Variants in SCUBE1 observed in about 807,000 individuals in gnomAD.
The protein encoded by SCUBE1 is signal peptide, CUB and EGF-like domain-containing protein 1.
SCUBE1 carries 59 observed loss-of-function variants against 124.4 expected under a neutral mutation model. That is an observed-to-expected ratio of 0.47 (90% CI 0.38 to 0.59). The LOEUF is 0.59. Among genes scored for constraint, SCUBE1 ranks in the 20% least tolerant of loss-of-function variants. The probability of loss-of-function intolerance (pLI) is 0.00; values close to 1 mark genes in which losing one functional copy is unlikely to be tolerated. For synonymous variants in SCUBE1, 545 were observed against 550.9 expected, an observed-to-expected ratio of 0.99 and a Z score of 0.15; for missense variants, 1,150 against 1,371.2, an observed-to-expected ratio of 0.84 and a Z score of 2.55.
intron 4 of SCUBE1, among the ~76,000 whole-genome samples, chr22:43,284,356 A>C (rs1428276633): frequency 6.6e-6 from 1 of 152,236 alleles, no homozygotes; most frequent in Non-Finnish European, 1.5e-5. Flanking sequence ...AATTTCTACC[A>C]CAAGATGTCT....
rs1243157391 is a variant in SCUBE1, at chr22:43,221,220, G to T, written c.1502C>A (p.Pro501His). Residue 501 changes from proline to histidine, a missense_variant, in exon 13 of 22, where the codon CCC becomes CAC. Physicochemically the swap from Pro to His is moderately conservative, Grantham distance 77 (BLOSUM62 -2). Around this residue, in one of 3 missense-constraint regions of SCUBE1, gnomAD observed 757 missense variants for 840.9 expected, o/e 0.90. Coordinates refer to ENST00000360835, the MANE Select transcript of SCUBE1 (RefSeq NM_173050.5). ...CTCCTTTGCTCGTGCCTGGCTGTGG[G>T]GCCGGAGGTGGCACTTGGCATCTCG... ...KIRDAKCHLRPHSQARAKETA... is the reference protein window; with the variant it reads ...KIRDAKCHLRHHSQARAKETA... 6.8e-6 allele frequency: 11 copies of T among 1,611,534 alleles called. No homozygotes were observed. The highest frequency in any genetic ancestry group is 9.3e-6 in the Non-Finnish European group (11 of 1,179,984).
Position 43,281,407 on chromosome 22 carries a change from T to TCC in SCUBE1, c.484+9637_484+9638dup, listed in dbSNP as rs1416298844. The stretch of plus-strand genomic sequence containing the variant: ...TCTCCTCCTCAGCTATCCTGTCACC[T>TCC]CCCTCAGCCATCCTCCTGTCACCTC... On this transcript the variant is annotated intron_variant, in intron 4 of 21. Transcript: ENST00000360835. Among the ~76,000 whole-genome samples, 3 of 69,372 alleles carry TCC rather than the reference T, an allele frequency of 4.3e-5. 1 individual carries two copies. Among genetic ancestry groups the TCC allele is most frequent in the African/African-American group, 2.5e-4 (2 of 8,154 alleles). The allele number at this position is 69,372 out of a possible 152,430, so 45.5% of individuals were successfully genotyped here.
intron 2 of SCUBE1, among the ~76,000 whole-genome samples, chr22:43,325,514 G>C (rs1246795911): frequency 6.6e-6 from 1 of 150,668 alleles, no homozygotes; most frequent in Non-Finnish European, 1.5e-5. Flanking sequence ...GTGGGGAAGA[G>C]ATTTCATGGG....
In SCUBE1 at chr22:43,337,756, G is replaced by A. The variant is rs572088220; in HGVS notation, c.220+1348C>T. ...TAAACACCACCAGCATCCCAGGGAG[G>A]AGTGGCTGCATCGCCCACAAAACTC... On this transcript the variant is annotated intron_variant, in intron 2 of 21. Transcript: ENST00000360835. 1.3e-3 allele frequency among the ~76,000 whole-genome samples: 197 copies of A among 152,328 alleles called. 1 individual carries two copies. Among genetic ancestry groups the A allele is most frequent in the Middle Eastern group, 6.8e-3 (2 of 294 alleles).
intron 2 of SCUBE1, among the ~76,000 whole-genome samples, chr22:43,320,319 G>A (rs1926501569): frequency 6.6e-6 from 1 of 152,156 alleles, no homozygotes; most frequent in Non-Finnish European, 1.5e-5. Flanking sequence ...TACAATTTCT[G>A]AAAACTAGCT....
rs1298655965 is a variant in SCUBE1, at chr22:43,201,795, G to C, written c.*2202C>G. 6.6e-6 allele frequency: 1 copy of C among 152,158 alleles called. No homozygotes were observed. The highest frequency in any genetic ancestry group is 1.5e-5 in the Non-Finnish European group (1 of 68,052). 9.4% of individuals were successfully genotyped at this position (152,158 alleles called of 1,614,324 possible). A position where few individuals can be genotyped will look rare whatever the true frequency, so the allele number is the denominator to read the frequency against. On this transcript the variant is annotated 3_prime_UTR_variant, in exon 22 of 22. Transcript: ENST00000360835. Reference sequence around the variant, plus strand: ...ACACATCTACGTCTGTATCCTCTGGGTTCTGATTCTCTGGAGAACACTCGT... The same window carrying C: ...ACACATCTACGTCTGTATCCTCTGGCTTCTGATTCTCTGGAGAACACTCGT...
chr22:43,327,058 C>T (rs1318254875), intron 2 of SCUBE1, among the ~76,000 whole-genome samples: 3 of 152,122 alleles, frequency 2.0e-5, no homozygotes, highest in Non-Finnish European at 2.9e-5. Flanking sequence ...GAGCAGAGCC[C>T]GAGCATGTTC....
intron 2 of SCUBE1, among the ~76,000 whole-genome samples, chr22:43,322,145 G>A (rs113129700): frequency 4.1e-4 from 63 of 152,058 alleles, no homozygotes; most frequent in Non-Finnish European, 8.2e-4. Context: ...CACCATGCCC[G>A]GCTAATTTTT....
At chr22:43,278,194 C>T (rs1417459113) in intron 4 of SCUBE1, among the ~76,000 whole-genome samples, 2 of 152,270 alleles carry the variant, frequency 1.3e-5, no homozygotes, top group South Asian at 2.1e-4. Context: ...AGGCCTCCTC[C>T]GGTAGCACCA....
intron 10 of SCUBE1, among the ~76,000 whole-genome samples, chr22:43,223,463 C>G (rs1385560952): frequency 6.6e-6 from 1 of 152,174 alleles, no homozygotes; most frequent in Non-Finnish European, 1.5e-5. Context: ...GGTTCATGTC[C>G]CCATCCCCAG....
Position 43,218,435 on chromosome 22 carries a change from G to C in SCUBE1, c.1711C>G (p.Arg571Gly). 6.2e-7 allele frequency: 1 copy of C among 1,612,454 alleles called. No homozygotes were observed. Among genetic ancestry groups the C allele is most frequent in the Non-Finnish European group, 8.5e-7 (1 of 1,180,022 alleles). The change falls in exon 15 of 22, where the codon CGG becomes GGG. Residue 571 changes from arginine (R) to glycine (G), a missense_variant. Coordinates refer to ENST00000360835, the MANE Select transcript of SCUBE1 (RefSeq NM_173050.5). Reference sequence around the variant, plus strand: ...TGCAGGCTCTGTTCTGCTCGCTTCCGCAAGCAGTCCGCTTCGCATGTGTCT... The same window carrying C: ...TGCAGGCTCTGTTCTGCTCGCTTCCCCAAGCAGTCCGCTTCGCATGTGTCT... ...ASDTCEADCL[R>G]KRAEQSLQAA...
At chr22:43,223,000 A>C in intron 11 of SCUBE1, 97 bp downstream of exon 11, 1 of 1,450,694 alleles carries the variant, frequency 6.9e-7, no homozygotes, top group Non-Finnish European at 9.2e-7. Context: ...TTCCTAGGTC[A>C]GACTCTTTCC....
intron 4 of SCUBE1, among the ~76,000 whole-genome samples, chr22:43,281,479 T>TCCTCCTCAGCCA (rs1569010736): frequency 1.1e-5 from 1 of 89,834 alleles, no homozygotes; most frequent in African/African-American, 8.4e-5. Context: ...TCCTGTCACC[T>TCCTCCTCAGCCA]CCCTCTTTGG....
intron 6 of SCUBE1, among the ~76,000 whole-genome samples, chr22:43,244,842 C>T (rs1923142644): frequency 6.6e-6 from 1 of 152,282 alleles, no homozygotes; most frequent in African/African-American, 2.4e-5. Flanking sequence ...TCCTCCCTGC[C>T]CCTCAGTGGC....
rs1262634950 is a variant in SCUBE1 at position 43,201,252 on chromosome 22, C to T, written c.*2745G>A. 1.7e-5 allele frequency: 2 copies of T among 116,534 alleles called. No homozygotes were observed. The highest frequency in any genetic ancestry group is 1.3e-4 in the Admixed American group (1 of 7,856). The allele number at this position is 116,534 out of a possible 1,614,324, so 7.2% of individuals were successfully genotyped here. A position where few individuals can be genotyped will look rare whatever the true frequency, so the allele number is the denominator to read the frequency against. On this transcript the variant is annotated 3_prime_UTR_variant, in exon 22 of 22. Coordinates refer to ENST00000360835, the MANE Select transcript of SCUBE1 (RefSeq NM_173050.5). ...CCGGGAGGCGGAGCTTGCAGTGAAC[C>T]AAGATCGCGCCACTGCACTCCAGCC...
At chr22:43,308,250 T>G (rs1238400636) in intron 3 of SCUBE1, among the ~76,000 whole-genome samples, 1 of 152,212 alleles carries the variant, frequency 6.6e-6, no homozygotes, top group African/African-American at 2.4e-5. Context: ...GAGGCGGGCC[T>G]GGATCTGTCT....
chr22:43,341,342 C>G (rs1272268355), intron 1 of SCUBE1, among the ~76,000 whole-genome samples: 2 of 152,220 alleles, frequency 1.3e-5, no homozygotes, highest in Admixed American at 1.3e-4. Flanking sequence ...GGCACTGCCT[C>G]TAAGGCAGGG....
intron 21 of SCUBE1, 84 bp from the exon 22 acceptor site, chr22:43,204,233 G>T: frequency 1.6e-6 from 2 of 1,258,356 alleles, no homozygotes; most frequent in Non-Finnish European, 2.3e-6. Context: ...GGAGGGGAGA[G>T]AGATGCGCTG....
At chr22:43,225,169 C>T (rs1418474895) in intron 10 of SCUBE1, among the ~76,000 whole-genome samples, 1 of 151,866 alleles carries the variant, frequency 6.6e-6, no homozygotes, top group Non-Finnish European at 1.5e-5. Flanking sequence ...GCTCCATCTT[C>T]ACCAGCCACT....
Sources: gnomAD v4.1 joint callset for allele counts (sites outside exome capture counted in the v4.1 genomes callset) on GRCh38, gnomAD v4.1.1 for gene constraint, gnomAD v4.1.1 regional missense constraint, MANE v1.5 for transcripts, NCBI Gene and HGNC (gene_info 2026-07-23, HGNC 2026-07-21) for gene names.